The following IL20RA variants were observed in gnomAD, a reference collection of about 807,000 sequenced individuals.
The protein encoded by IL20RA is interleukin-20 receptor subunit alpha.
A neutral mutation model predicts 36.5 loss-of-function variants in IL20RA; 29 were observed. The observed-to-expected ratio is 0.79, with a 90% CI of 0.59 to 1.08. The LOEUF is 1.08. IL20RA is among the 50% of genes least tolerant of loss of function. IL20RA has a pLI of 0.00. For synonymous variants in IL20RA, 279 were observed against 267.1 expected (o/e 1.04, Z -0.43); for missense variants, 652 against 668.4 (o/e 0.98, Z 0.27).
At position 137,002,184 on chromosome 6, in the gene IL20RA, C is replaced by T. The variant is rs751829168; in HGVS notation, c.1036G>A (p.Gly346Arg). Residue 346 changes from glycine to arginine, a missense_variant, in exon 7 of 7, where the codon GGG becomes AGG. Gly to Arg is a moderately radical substitution (Grantham distance 125). Transcript: ENST00000316649. ...TCCTCCTGAGGGGGCCTCAGGTTCC[C>T]GCTGGGCTGAGGATCATTAAGGCTG... ...VSSLNDPQPS[G>R]NLRPPQEEEE... 31 of 1,613,980 alleles carry T rather than the reference C, an allele frequency of 1.9e-5. No individual in the cohort carries two copies. Among genetic ancestry groups the T allele is most frequent in the Non-Finnish European group, 2.5e-5 (30 of 1,180,018 alleles).
At chr6:137,006,440 G>T (rs76613400) in intron 5 of IL20RA, among the ~76,000 whole-genome samples, 1 of 152,188 alleles carries the variant, frequency 6.6e-6, no homozygotes, top group Non-Finnish European at 1.5e-5. Flanking sequence ...CCTGGATTGA[G>T]CCTGTCCTAA....
intron 1 of IL20RA, among the ~76,000 whole-genome samples, chr6:137,039,316 T>A (rs887086894): frequency 3.3e-5 from 5 of 152,142 alleles, no homozygotes; most frequent in Admixed American, 6.5e-5. Context: ...TAAGCTTGGA[T>A]GTTGGGTACA....
At chr6:137,032,736 T>C (rs777756995) in intron 1 of IL20RA, among the ~76,000 whole-genome samples, 3 of 152,192 alleles carry the variant, frequency 2.0e-5, no homozygotes, top group Non-Finnish European at 4.4e-5. Context: ...ACCAGGAAGA[T>C]AGAAGTGTTC....
chr6:137,011,514 C>A, intron 2 of IL20RA, 62 bp from the exon 3 acceptor site: 2 of 1,121,904 alleles, frequency 1.8e-6, no homozygotes, highest in South Asian at 4.7e-5. Context: ...TAAAAAAACT[C>A]AGTCATTTTA....
intron 1 of IL20RA, among the ~76,000 whole-genome samples, chr6:137,028,022 G>A (rs992012736): frequency 6.6e-6 from 1 of 152,242 alleles, no homozygotes; most frequent in Non-Finnish European, 1.5e-5. Context: ...TTTTCCTGGT[G>A]GAACTGTTCA....
At chr6:137,002,834 C>T (rs1422297580) in intron 6 of IL20RA, among the ~76,000 whole-genome samples, 1 of 152,168 alleles carries the variant, frequency 6.6e-6, no homozygotes, top group Non-Finnish European at 1.5e-5. Context: ...TGCAGACAGG[C>T]ATGAGAACTG....
chr6:137,035,186 G>T (rs962021922), intron 1 of IL20RA, among the ~76,000 whole-genome samples: 6 of 152,050 alleles, frequency 3.9e-5, no homozygotes, highest in African/African-American at 1.4e-4. Context: ...TATGACTACT[G>T]ATTGAATTAA....
intron 1 of IL20RA, among the ~76,000 whole-genome samples, chr6:137,041,839 G>T (rs1464885301): frequency 6.6e-6 from 1 of 151,336 alleles, no homozygotes; most frequent in Non-Finnish European, 1.5e-5. Flanking sequence ...TATACTGTAA[G>T]TTCTGGAATA....
In IL20RA at chr6:137,002,300, A is replaced by T. The variant is rs1171888037; in HGVS notation, c.920T>A (p.Ile307Asn). ...ATTGAGGGTGATAAAGTTAATCACG[A>T]TTTTTTCAGCAGGCACAAAGAATCT... Reference protein sequence around the residue: ...DKRFFVPAEKIVINFITLNIS... With the variant: ...DKRFFVPAEKNVINFITLNIS... Residue 307 changes from isoleucine to asparagine, a missense_variant, in exon 7 of 7, where the codon ATC becomes AAC. Ile to Asn is a moderately radical substitution (Grantham distance 149). Coordinates refer to ENST00000316649, the MANE Select transcript of IL20RA (RefSeq NM_014432.4). 1 of 1,608,842 alleles carries T rather than the reference A, an allele frequency of 6.2e-7. No individual in the cohort carries two copies. Among genetic ancestry groups the T allele is most frequent in the Admixed American group, 1.7e-5 (1 of 58,956 alleles).
At chr6:137,015,729 C>T (rs1440131725) in intron 2 of IL20RA, among the ~76,000 whole-genome samples, 2 of 152,162 alleles carry the variant, frequency 1.3e-5, no homozygotes, top group African/African-American at 2.4e-5. Flanking sequence ...ATGATCTCAG[C>T]TCACTGGAAC....
chr6:137,006,096 C>G (rs1347276895), intron 5 of IL20RA, among the ~76,000 whole-genome samples: 1 of 152,174 alleles, frequency 6.6e-6, no homozygotes, highest in Non-Finnish European at 1.5e-5. Flanking sequence ...ACAAAACCAG[C>G]AGGAGTGTGA....
At chr6:137,010,504 AT>A (rs56205570) in intron 3 of IL20RA, among the ~76,000 whole-genome samples, 130,337 of 152,186 alleles carry the variant, frequency 0.86, 59,338 homozygotes, top group East Asian at 1. Flanking sequence ...GTGTTGTTGG[AT>A]TTGTCCCAAG....
In IL20RA at chr6:137,001,809, G is replaced by A. The variant is rs774572566; in HGVS notation, c.1411C>T (p.Pro471Ser). 8.1e-6 allele frequency: 13 copies of A among 1,613,264 alleles called. No homozygotes were observed. Among genetic ancestry groups the A allele is most frequent in the South Asian group, 1.1e-5 (1 of 90,978 alleles). Residue 471 changes from proline to serine, a missense_variant, in exon 7 of 7, where the codon CCG (proline) becomes TCG (serine). Pro to Ser is a moderately conservative substitution (Grantham distance 74). Coordinates refer to ENST00000316649, the MANE Select transcript of IL20RA (RefSeq NM_014432.4). ...AGGGTCGTCGATGGCTCTTCCTCCG[G>A]CCCCTCCTCCGAGTCTGTGTGCTCC... ...AQEHTDSEEG[P>S]EEEPSTTLVD...
At position 137,000,540 on chromosome 6, in the gene IL20RA, A is replaced by T. The variant is rs1238945337; in HGVS notation, c.*1018T>A. On this transcript the variant is annotated 3_prime_UTR_variant, in exon 7 of 7. Coordinates refer to ENST00000316649, the MANE Select transcript of IL20RA (RefSeq NM_014432.4). ...ATGGCATAGTTTAGTTCCTACAGTA[A>T]ATTTCATCAAATTTTAATAAACTCT... The T allele has an allele frequency of 6.6e-6, 1 of 152,200 alleles. No individual in the cohort carries two copies. Among genetic ancestry groups the T allele is most frequent in the Non-Finnish European group, 1.5e-5 (1 of 68,032 alleles). The allele number at this position is 152,200 out of a possible 1,614,324, so 9.4% of individuals were successfully genotyped here.
At chr6:137,031,403 G>A (rs1776276385) in intron 1 of IL20RA, among the ~76,000 whole-genome samples, 1 of 152,094 alleles carries the variant, frequency 6.6e-6, no homozygotes, top group African/African-American at 2.4e-5. Context: ...GCAAAACAAC[G>A]TTCAGTCAAT....
intron 1 of IL20RA, among the ~76,000 whole-genome samples, chr6:137,021,029 C>T (rs971995858): frequency 2.9e-4 from 40 of 139,926 alleles, no homozygotes; most frequent in Middle Eastern, 3.5e-3. Flanking sequence ...ATGACATGGT[C>T]TGCTGGTTTT....
rs560132516 is a variant in IL20RA, at chr6:137,000,153, A to T, written c.*1405T>A. The T allele has an allele frequency of 5.3e-5, 8 of 152,306 alleles. No individual in the cohort carries two copies. In the South Asian group the frequency reaches 1.7e-3, roughly 32 times the overall value. 9.4% of individuals were successfully genotyped at this position (152,306 alleles called of 1,614,324 possible). A position where few individuals can be genotyped will look rare whatever the true frequency, so the allele number is the denominator to read the frequency against. ...ATTACTCCCTAAATTAAACCATTAG[A>T]TCTGAAACTGTTTGCATTTGCGGAT... is the stretch of plus-strand genomic sequence containing the variant. On this transcript the variant is annotated 3_prime_UTR_variant, in exon 7 of 7. Coordinates refer to ENST00000316649, the MANE Select transcript of IL20RA (RefSeq NM_014432.4).
chr6:137,018,964 A>G (rs1775805881), intron 1 of IL20RA, among the ~76,000 whole-genome samples: 1 of 152,196 alleles, frequency 6.6e-6, no homozygotes, highest in Non-Finnish European at 1.5e-5. Context: ...ACATTGTCAA[A>G]ACATGGCTTT....
At position 137,004,655 on chromosome 6, in the gene IL20RA, A is replaced by G; in HGVS notation, c.830T>C (p.Ile277Thr). Residue 277 changes from isoleucine to threonine, a missense_variant, in exon 6 of 7, where the codon ATC becomes ACC. Transcript: ENST00000316649. ...TGGGTGTTTCTCTTTGCCAACGTGG[A>G]TATATCGGTAGATGGAATAGCCCAT... Reference protein sequence around the residue: ...SVMGYSIYRYIHVGKEKHPAN... With the variant: ...SVMGYSIYRYTHVGKEKHPAN... 1 of 1,613,872 alleles carries G rather than the reference A, an allele frequency of 6.2e-7. No homozygotes were observed. The highest frequency in any genetic ancestry group is 8.5e-7 in the Non-Finnish European group (1 of 1,179,908).
Sources: allele counts gnomAD v4.1 joint callset (sites outside exome capture counted in the v4.1 genomes callset), GRCh38; gene constraint gnomAD v4.1.1; transcripts MANE v1.5; gene names NCBI Gene and HGNC (gene_info 2026-07-23, HGNC 2026-07-21).